Variants in SV2B observed in about 807,000 individuals in gnomAD.
SV2B encodes the protein synaptic vesicle glycoprotein 2B, also known as solute carrier family 22 member B2.
Under a neutral mutation model 73.9 loss-of-function variants are expected in SV2B, and 41 were observed. The ratio of observed to expected loss-of-function variants is 0.56; its 90% CI spans 0.43 to 0.72. The LOEUF is 0.72. SV2B is among the 30% of genes least tolerant of loss of function. The probability of loss-of-function intolerance (pLI) is 0.00; values close to 1 mark genes in which losing one functional copy is unlikely to be tolerated. For synonymous variants in SV2B, 314 were observed against 314.2 expected, an observed-to-expected ratio of 1.00 and a Z score of 0.01; for missense variants, 764 against 857.8, an observed-to-expected ratio of 0.89 and a Z score of 1.37.
intron 1 of SV2B, among the ~76,000 whole-genome samples, chr15:91,190,944 C>T (rs1345242076): frequency 6.7e-6 from 1 of 150,032 alleles, no homozygotes; most frequent in East Asian, 2.0e-4. Context: ...ATTATAGTTT[C>T]TTGATCTAGT....
intron 10 of SV2B, among the ~76,000 whole-genome samples, chr15:91,282,608 G>T (rs1433995551): frequency 2.0e-5 from 3 of 152,148 alleles, no homozygotes; most frequent in Non-Finnish European, 4.4e-5. Context: ...TAAGCAACTT[G>T]CTCAAGGCCG....
At chr15:91,260,938 A>G (rs1236282027) in intron 6 of SV2B, among the ~76,000 whole-genome samples, 2 of 152,178 alleles carry the variant, frequency 1.3e-5, no homozygotes, top group African/African-American at 4.8e-5. Flanking sequence ...ATCTCCCACC[A>G]TGTCCCTCCC....
rs60231174 is a variant in SV2B, at chr15:91,253,483, G to T, written c.784+963G>T. Among the ~76,000 whole-genome samples, 13 of 152,208 alleles carry T rather than the reference G, an allele frequency of 8.5e-5. No individual in the cohort carries two copies. Among genetic ancestry groups the T allele is most frequent in the Non-Finnish European group, 2.9e-5 (2 of 68,034 alleles). ...GGTTTAGACAGTACCTACTGTATTAGTTAAGGTGTTGGACACTGGGTACAT... is the reference window on the plus strand; with the variant it reads ...GGTTTAGACAGTACCTACTGTATTATTTAAGGTGTTGGACACTGGGTACAT... On this transcript the variant is annotated intron_variant, in intron 4 of 12. Coordinates refer to ENST00000394232, the MANE Select transcript of SV2B (RefSeq NM_001323032.3). The surrounding 1 kb of genome is among the most constrained non-coding windows in gnomAD (Gnocchi z 5.0).
chr15:91,101,207 G>A (rs946741041), intron 1 of SV2B, among the ~76,000 whole-genome samples: 1 of 152,222 alleles, frequency 6.6e-6, no homozygotes, highest in South Asian at 2.1e-4. Context: ...AGGTGAATGT[G>A]GGTGGCTTTG....
intron 1 of SV2B, among the ~76,000 whole-genome samples, chr15:91,162,606 G>C (rs1039293192): frequency 6.6e-6 from 1 of 152,146 alleles, no homozygotes. Context: ...GCATCACCAA[G>C]CTAAAGTCAA....
At chr15:91,246,907 T>C (rs569885797) in intron 2 of SV2B, among the ~76,000 whole-genome samples, 1 of 152,320 alleles carries the variant, frequency 6.6e-6, no homozygotes, top group African/African-American at 2.4e-5. Context: ...ACTAGTTCCT[T>C]ATCTGCTTCA....
At chr15:91,189,953 A>C (rs1267199845) in intron 1 of SV2B, among the ~76,000 whole-genome samples, 5 of 152,130 alleles carry the variant, frequency 3.3e-5, no homozygotes, top group Non-Finnish European at 7.4e-5. Context: ...GCGCCACTGC[A>C]CTCCAGCCTG....
At chr15:91,260,620 G>A (rs2047875439) in intron 6 of SV2B, among the ~76,000 whole-genome samples, 1 of 152,118 alleles carries the variant, frequency 6.6e-6, no homozygotes, top group Admixed American at 6.5e-5. Flanking sequence ...TAAAAATGGT[G>A]CCAGGTGCGG....
intron 1 of SV2B, among the ~76,000 whole-genome samples, chr15:91,101,652 AG>A (rs1350462437): frequency 1.1e-4 from 17 of 152,240 alleles, no homozygotes; most frequent in Middle Eastern, 6.8e-3. Flanking sequence ...CTCATGGATT[AG>A]GCATGGCGTG....
chr15:91,257,851 CAAG>C (rs1327860575), intron 4 of SV2B, among the ~76,000 whole-genome samples: 2 of 152,230 alleles, frequency 1.3e-5, no homozygotes, highest in South Asian at 2.1e-4. Flanking sequence ...CCCATAGACT[CAAG>C]AAATCAAGAC....
At chr15:91,165,574 A>G (rs919698428) in intron 1 of SV2B, among the ~76,000 whole-genome samples, 1 of 152,256 alleles carries the variant, frequency 6.6e-6, no homozygotes. Flanking sequence ...GTATCCACGG[A>G]GGGTGTCCTA....
intron 9 of SV2B, among the ~76,000 whole-genome samples, chr15:91,276,067 T>C (rs2141728620): frequency 6.6e-6 from 1 of 151,668 alleles, no homozygotes; most frequent in East Asian, 1.9e-4. Context: ...GTGGACAGTT[T>C]TTTTTTTTTT....
intron 1 of SV2B, among the ~76,000 whole-genome samples, chr15:91,143,745 G>T (rs2141194881): frequency 6.6e-6 from 1 of 152,138 alleles, no homozygotes; most frequent in Admixed American, 6.5e-5. Flanking sequence ...TCTGATGTTT[G>T]TTCTGTTTAG....
At chr15:91,125,498 G>A (rs542405579) in intron 1 of SV2B, among the ~76,000 whole-genome samples, 2 of 152,082 alleles carry the variant, frequency 1.3e-5, no homozygotes, top group Admixed American at 6.5e-5. Flanking sequence ...TTGGCCAGGC[G>A]CAGTGGCTCA....
chr15:91,155,866 G>T (rs934704081), intron 1 of SV2B, among the ~76,000 whole-genome samples: 5 of 152,210 alleles, frequency 3.3e-5, no homozygotes, highest in Admixed American at 6.5e-5. Context: ...TCTGGACTCA[G>T]TGGAACCTCA....
intron 1 of SV2B, among the ~76,000 whole-genome samples, chr15:91,192,414 G>T (rs1402192085): frequency 6.6e-6 from 1 of 152,212 alleles, no homozygotes; most frequent in Admixed American, 6.5e-5. Context: ...GACTTCTTGA[G>T]TCTAGTGTTT....
chr15:91,147,954 A>AC (rs949386468), intron 1 of SV2B, among the ~76,000 whole-genome samples: 7 of 44,450 alleles, frequency 1.6e-4, no homozygotes, highest in South Asian at 7.9e-4. Context: ...CCCACCCCGC[A>AC]CCCCCCCCAA....
chr15:91,301,738 T>TA lies in SV2B; in HGVS notation c.*9190dup, dbSNP rs2049450162. 6.6e-6 allele frequency among the ~76,000 whole-genome samples: 1 copy of TA among 152,228 alleles called. No homozygotes were observed. The highest frequency in any genetic ancestry group is 1.5e-5 in the Non-Finnish European group (1 of 68,044). On this transcript the variant is annotated 3_prime_UTR_variant, in exon 13 of 13. Coordinates refer to ENST00000394232, the MANE Select transcript of SV2B (RefSeq NM_001323032.3). This position sits in a 1 kb window ranked among gnomAD's most constrained non-coding sequence, Gnocchi z 4.3. ...CAGAAGTGTTCTGGATTTCCGGTTTTAAAAGATTTTGGGATATTGGCATTA... is the reference window on the plus strand; with the variant it reads ...CAGAAGTGTTCTGGATTTCCGGTTTTAAAAAGATTTTGGGATATTGGCATTA...
intron 1 of SV2B, among the ~76,000 whole-genome samples, chr15:91,148,015 C>G (rs1206187633): frequency 9.5e-6 from 1 of 105,454 alleles, no homozygotes; most frequent in African/African-American, 3.6e-5. Flanking sequence ...GAGTCTTGCT[C>G]TGTCGCCCAG....
Sources: allele counts gnomAD v4.1 joint callset (sites outside exome capture counted in the v4.1 genomes callset), GRCh38; gene constraint gnomAD v4.1.1; non-coding constraint Gnocchi (gnomAD v3.1); transcripts MANE v1.5; gene names NCBI Gene and HGNC (gene_info 2026-07-23, HGNC 2026-07-21).